The following C8orf34 variants were observed in gnomAD, a reference collection of about 807,000 sequenced individuals.
C8orf34 encodes chromosome 8 open reading frame 34, also known as uncharacterized protein C8orf34.
Under a neutral mutation model 68.3 loss-of-function variants are expected in C8orf34, and 65 were observed. The ratio of observed to expected loss-of-function variants is 0.95; its 90% CI spans 0.78 to 1.17. C8orf34 has a LOEUF of 1.17. C8orf34 is among the 50% of genes most tolerant of loss of function. The pLI, the probability that C8orf34 is intolerant of heterozygous loss-of-function variation, is 0.00. For synonymous variants in C8orf34, 244 were observed against 241.2 expected, an observed-to-expected ratio of 1.01 and a Z score of -0.11; for missense variants, 664 against 655.4, an observed-to-expected ratio of 1.01 and a Z score of -0.14.
chr8:68,343,538 A>G (rs1453476189), intron 1 of C8orf34, among the ~76,000 whole-genome samples: 4 of 151,346 alleles, frequency 2.6e-5, no homozygotes, highest in Admixed American at 1.3e-4. Context: ...GATCCTCCCA[A>G]CTTAGCCTCC....
Position 68,754,159 on chromosome 8 carries a change from A to ACT in C8orf34, c.1405-22240_1405-22239insCT, listed in dbSNP as rs1354216276. On this transcript the variant is annotated intron_variant, in intron 10 of 13. Coordinates refer to ENST00000518698, the MANE Select transcript of C8orf34 (RefSeq NM_052958.4). ...CAATTTAGTTCAACAAAGTGTTTAAAAAATGCAGAGCTACATGGATCACAT... is the reference window on the plus strand; with the variant it reads ...CAATTTAGTTCAACAAAGTGTTTAAACTAAATGCAGAGCTACATGGATCACAT... Among the ~76,000 whole-genome samples, 261 of 152,370 alleles carry ACT rather than the reference A, an allele frequency of 1.7e-3. 4 individuals carry two copies. Among genetic ancestry groups the ACT allele is most frequent in the African/African-American group, 6.0e-3 (250 of 41,600 alleles).
chr8:68,338,160 A>T (rs1236333478), intron 1 of C8orf34, among the ~76,000 whole-genome samples: 1 of 152,172 alleles, frequency 6.6e-6, no homozygotes. Context: ...CTTTGTCCTC[A>T]TATGGCAGAA....
intron 8 of C8orf34, among the ~76,000 whole-genome samples, chr8:68,679,107 G>A (rs1211830723): frequency 6.6e-6 from 1 of 151,742 alleles, no homozygotes; most frequent in Non-Finnish European, 1.5e-5. Flanking sequence ...GAAACACAGT[G>A]AAACCCTGTC....
chr8:68,779,218 C>A (rs1823607115), intron 11 of C8orf34, among the ~76,000 whole-genome samples: 1 of 148,542 alleles, frequency 6.7e-6, no homozygotes, highest in Admixed American at 6.7e-5. Flanking sequence ...CACACACACA[C>A]ACACACACAC....
At chr8:68,510,316 T>C (rs1814210270) in intron 5 of C8orf34, among the ~76,000 whole-genome samples, 1 of 152,214 alleles carries the variant, frequency 6.6e-6, no homozygotes, top group Non-Finnish European at 1.5e-5. Flanking sequence ...GGATGGTGCT[T>C]GGCTTTGGTT....
At chr8:68,546,978 T>G (rs1815905305) in intron 7 of C8orf34, among the ~76,000 whole-genome samples, 1 of 151,768 alleles carries the variant, frequency 6.6e-6, no homozygotes, top group Non-Finnish European at 1.5e-5. Context: ...GTTTTAAAAT[T>G]ATTGATATAA....
At chr8:68,815,969 T>A (rs1278332588) in intron 13 of C8orf34, 24 bp downstream of exon 13, 2 of 1,613,500 alleles carry the variant, frequency 1.2e-6, no homozygotes, top group Non-Finnish European at 1.7e-6. Context: ...GGGCACTTAA[T>A]ATCGATGTCG....
At chr8:68,500,544 T>A (rs1167006016) in intron 5 of C8orf34, among the ~76,000 whole-genome samples, 1 of 152,172 alleles carries the variant, frequency 6.6e-6, no homozygotes, top group Non-Finnish European at 1.5e-5. Flanking sequence ...CTAAAGTGTT[T>A]AGGGACAAAG....
intron 5 of C8orf34, among the ~76,000 whole-genome samples, chr8:68,518,526 A>G (rs566234225): frequency 1.3e-5 from 2 of 152,134 alleles, no homozygotes; most frequent in Non-Finnish European, 2.9e-5. Context: ...ATATCAAGCC[A>G]GAAAAAGACG....
chr8:68,516,765 C>T (rs566018650), intron 5 of C8orf34, among the ~76,000 whole-genome samples: 4 of 152,070 alleles, frequency 2.6e-5, no homozygotes, highest in African/African-American at 4.8e-5. Context: ...ATCTGCCTCC[C>T]GAGTAGCTGA....
At chr8:68,472,881 C>T (rs1812440898) in intron 4 of C8orf34, among the ~76,000 whole-genome samples, 1 of 152,084 alleles carries the variant, frequency 6.6e-6, no homozygotes, top group South Asian at 2.1e-4. Context: ...CAGCACCTCT[C>T]GTTTTGGAAC....
intron 5 of C8orf34, among the ~76,000 whole-genome samples, chr8:68,513,478 A>T (rs956881213): frequency 2.6e-5 from 4 of 152,218 alleles, no homozygotes; most frequent in Admixed American, 6.5e-5. Context: ...GATGTAAAAC[A>T]AGACAGAGGC....
In C8orf34 at chr8:68,562,563, G is replaced by A. The variant is rs1267796049; in HGVS notation, c.1105+29414G>A. On this transcript the variant is annotated intron_variant, in intron 7 of 13. Coordinates refer to ENST00000518698, the MANE Select transcript of C8orf34 (RefSeq NM_052958.4). ...AGTTACTTAGAACAGTGTTGGAGGG[G>A]TAATGGGAGGAAAATGCAGCCTGAT... is the stretch of plus-strand genomic sequence containing the variant. 4.6e-5 allele frequency among the ~76,000 whole-genome samples: 7 copies of A among 152,162 alleles called. No homozygotes were observed. The East Asian group carries it at 7.7e-4, about 17-fold the overall frequency.
intron 8 of C8orf34, among the ~76,000 whole-genome samples, chr8:68,642,817 A>G (rs1324129474): frequency 2.6e-5 from 4 of 152,144 alleles, no homozygotes; most frequent in African/African-American, 9.7e-5. Context: ...CAATTTTTCC[A>G]TGGATGGTTG....
chr8:68,625,346 C>A, intron 7 of C8orf34: 2 of 420,784 alleles, frequency 4.8e-6, no homozygotes, highest in Non-Finnish European at 8.4e-6. Flanking sequence ...ACCAAATACT[C>A]ACTTTTAGGA....
chr8:68,615,050 A>T (rs1818158030), intron 7 of C8orf34, among the ~76,000 whole-genome samples: 1 of 149,912 alleles, frequency 6.7e-6, no homozygotes, highest in African/African-American at 2.5e-5. Context: ...TCTTTGAAGC[A>T]ATTGTGAATG....
chr8:68,699,655 A>G (rs906446848), intron 8 of C8orf34, among the ~76,000 whole-genome samples: 7 of 152,168 alleles, frequency 4.6e-5, no homozygotes, highest in African/African-American at 1.7e-4. Flanking sequence ...TGACATTTTT[A>G]CATTTGAGTT....
At chr8:68,667,990 C>A (rs899461221) in intron 8 of C8orf34, among the ~76,000 whole-genome samples, 1 of 152,000 alleles carries the variant, frequency 6.6e-6, no homozygotes, top group South Asian at 2.1e-4. Flanking sequence ...AAACATCCAA[C>A]AATGCAAAGC....
intron 7 of C8orf34, among the ~76,000 whole-genome samples, chr8:68,635,554 C>G (rs961655183): frequency 1.3e-5 from 2 of 152,170 alleles, no homozygotes; most frequent in Admixed American, 6.5e-5. Flanking sequence ...TCAACATATT[C>G]TTTTTAACAG....
Sources: allele counts gnomAD v4.1 joint callset (sites outside exome capture counted in the v4.1 genomes callset), GRCh38; gene constraint gnomAD v4.1.1; transcripts MANE v1.5; gene names NCBI Gene and HGNC (gene_info 2026-07-23, HGNC 2026-07-21).